GRIN2A: variants seen among roughly 807,000 people sequenced by gnomAD.
GRIN2A encodes the protein glutamate ionotropic receptor NMDA type subunit 2A, also known as glutamate receptor ionotropic, NMDA 2A.
GRIN2A carries 22 observed loss-of-function variants against 113.4 expected under a neutral mutation model. The observed-to-expected ratio is 0.19, with a 90% confidence interval of 0.14 to 0.28. The LOEUF is 0.28. Ranked by LOEUF, GRIN2A falls within the 10% of genes least tolerant of loss-of-function variation. The pLI is 1.00. For missense variants in GRIN2A, 1,502 were observed against 1,887.0 expected (o/e 0.80, Z 3.78); for synonymous variants, 827 against 738.4 (o/e 1.12, Z -1.94).
chr16:10,022,494 A>G (rs1352507728), intron 2 of GRIN2A, among the ~76,000 whole-genome samples: 1 of 152,208 alleles, frequency 6.6e-6, no homozygotes, highest in Non-Finnish European at 1.5e-5. Context: ...TCCAGCACTG[A>G]TGCTAGTTTC....
At chr16:9,784,330 T>C (rs916578002) in intron 11 of GRIN2A, among the ~76,000 whole-genome samples, 40 of 150,372 alleles carry the variant, frequency 2.7e-4, no homozygotes, top group Non-Finnish European at 1.5e-5. Context: ...CTCGGGAGGC[T>C]AAGGCAGGAA....
intron 2 of GRIN2A, among the ~76,000 whole-genome samples, chr16:10,152,655 C>T (rs1291124030): frequency 6.6e-6 from 1 of 152,184 alleles, no homozygotes; most frequent in Non-Finnish European, 1.5e-5. Flanking sequence ...TAGTTAAATC[C>T]ATGTCACCTT....
chr16:10,034,892 A>T (rs2046997177), intron 2 of GRIN2A, among the ~76,000 whole-genome samples: 1 of 152,230 alleles, frequency 6.6e-6, no homozygotes, highest in African/African-American at 2.4e-5. Flanking sequence ...TATCACACAT[A>T]TACCCAAATT....
At chr16:10,098,895 C>A (rs947400085) in intron 2 of GRIN2A, among the ~76,000 whole-genome samples, 2 of 151,770 alleles carry the variant, frequency 1.3e-5, no homozygotes, top group Non-Finnish European at 2.9e-5. Context: ...GAAATCATCA[C>A]TGAACTACTC....
chr16:9,793,158 G>A (rs920027131), intron 11 of GRIN2A, among the ~76,000 whole-genome samples: 2 of 152,172 alleles, frequency 1.3e-5, no homozygotes, highest in Admixed American at 1.3e-4. Flanking sequence ...ATTTACTCCA[G>A]AATATTATAT....
At chr16:9,960,105 G>T (rs1380492131) in intron 2 of GRIN2A, among the ~76,000 whole-genome samples, 1 of 152,198 alleles carries the variant, frequency 6.6e-6, no homozygotes, top group Non-Finnish European at 1.5e-5. Flanking sequence ...CCAGGTAACA[G>T]ATAGTAGAAC....
At chr16:9,850,740 CA>C (rs2042868944) in intron 4 of GRIN2A, among the ~76,000 whole-genome samples, 1 of 152,128 alleles carries the variant, frequency 6.6e-6, no homozygotes, top group Non-Finnish European at 1.5e-5. Flanking sequence ...GGGAGACTGT[CA>C]CTGCTTAGCG....
chr16:9,802,238 T>C (rs1596434745), intron 10 of GRIN2A, among the ~76,000 whole-genome samples: 1 of 152,142 alleles, frequency 6.6e-6, no homozygotes. Context: ...GGCACACATA[T>C]GTTCACTGCA....
chr16:10,146,363 C>G (rs942680982), intron 2 of GRIN2A, among the ~76,000 whole-genome samples: 2 of 152,158 alleles, frequency 1.3e-5, no homozygotes, highest in African/African-American at 4.8e-5. Flanking sequence ...GGTGATCCGC[C>G]CACCTCGGCC....
intron 2 of GRIN2A, among the ~76,000 whole-genome samples, chr16:9,958,067 G>A (rs1403133719): frequency 6.6e-6 from 1 of 152,156 alleles, no homozygotes; most frequent in South Asian, 2.1e-4. Context: ...TCCAAGCTGG[G>A]TGACTATGAG....
chr16:10,147,196 A>C (rs904533973), intron 2 of GRIN2A, among the ~76,000 whole-genome samples: 1 of 151,894 alleles, frequency 6.6e-6, no homozygotes, highest in Admixed American at 6.6e-5. Context: ...CTAGTCCCAC[A>C]CTCTAGGAGC....
intron 2 of GRIN2A, among the ~76,000 whole-genome samples, chr16:10,071,779 G>T (rs2047756478): frequency 1.3e-5 from 2 of 152,334 alleles, no homozygotes; most frequent in South Asian, 4.1e-4. Flanking sequence ...ATCACTTCTT[G>T]AAAGGCAACC....
chr16:10,004,720 C>T (rs751945166), intron 2 of GRIN2A, among the ~76,000 whole-genome samples: 28 of 152,172 alleles, frequency 1.8e-4, no homozygotes, highest in Non-Finnish European at 4.1e-4. Context: ...AGTAGAATCT[C>T]CCTGTCTTTC....
At chr16:9,904,949 G>C (rs2043998952) in intron 3 of GRIN2A, among the ~76,000 whole-genome samples, 1 of 152,172 alleles carries the variant, frequency 6.6e-6, no homozygotes, top group African/African-American at 2.4e-5. Flanking sequence ...CCAGCACTGA[G>C]GTGTTTCCTT....
chr16:9,958,244 C>T lies in GRIN2A; in HGVS notation c.415-19693G>A, dbSNP rs529507723. The stretch of plus-strand genomic sequence containing the variant: ...TTGTTATCATAATTGCCATTAATAA[C>T]ATCCAGCCTGACCTGAACTTACTAC... On this transcript the variant is annotated intron_variant, in intron 2 of 12. Coordinates refer to ENST00000330684, the MANE Select transcript of GRIN2A (RefSeq NM_001134407.3). 4.6e-5 allele frequency among the ~76,000 whole-genome samples: 7 copies of T among 152,312 alleles called. No individual in the cohort carries two copies. In the East Asian group the frequency reaches 1.4e-3, roughly 29 times the overall value.
chr16:9,937,818 A>T (rs779144179), intron 3 of GRIN2A, 141 bp downstream of exon 3: 304 of 676,106 alleles, frequency 4.5e-4, no homozygotes, highest in Middle Eastern at 7.5e-4. Flanking sequence ...GAGAGAGGAG[A>T]GCAAAATAAA....
At chr16:9,908,043 C>T (rs1030942888) in intron 3 of GRIN2A, among the ~76,000 whole-genome samples, 6 of 152,172 alleles carry the variant, frequency 3.9e-5, no homozygotes, top group South Asian at 2.1e-4. Context: ...GAGAATGTCC[C>T]GGTGTGCTGG....
chr16:9,810,417 C>A (rs2042064346), intron 10 of GRIN2A, among the ~76,000 whole-genome samples: 1 of 152,200 alleles, frequency 6.6e-6, no homozygotes, highest in African/African-American at 2.4e-5. Flanking sequence ...AATTCATGTA[C>A]ACCTGGGACA....
chr16:9,994,003 A>C (rs1348709208), intron 2 of GRIN2A, among the ~76,000 whole-genome samples: 2 of 152,188 alleles, frequency 1.3e-5, no homozygotes, highest in Non-Finnish European at 2.9e-5. Flanking sequence ...TTGCAGATGG[A>C]AAGTTTATTT....
Sources: gnomAD v4.1 joint callset for allele counts (sites outside exome capture counted in the v4.1 genomes callset) on GRCh38, gnomAD v4.1.1 for gene constraint, MANE v1.5 for transcripts, NCBI Gene and HGNC (gene_info 2026-07-23, HGNC 2026-07-21) for gene names.